Variants in TENM4 observed in about 807,000 individuals in gnomAD.
The protein encoded by TENM4 is teneurin transmembrane protein 4.
In TENM4, 82 loss-of-function variants were observed where a neutral mutation model predicts 243.3. The observed-to-expected ratio is 0.34, with a 90% CI of 0.28 to 0.40. TENM4 has a LOEUF of 0.40. Ranked by LOEUF, TENM4 falls within the 10% of genes least tolerant of loss-of-function variation. TENM4 has a pLI of 1.00. For synonymous variants in TENM4, 1,412 were observed against 1,456.3 expected (o/e 0.97, Z 0.69); for missense variants, 3,138 against 3,673.3 (o/e 0.85, Z 3.77).
intron 3 of TENM4, among the ~76,000 whole-genome samples, chr11:79,176,996 T>C (rs945370774): frequency 6.6e-6 from 1 of 152,136 alleles, no homozygotes; most frequent in African/African-American, 2.4e-5. Context: ...CTGCTCTGGT[T>C]TCACCCCTTC....
intron 3 of TENM4, among the ~76,000 whole-genome samples, chr11:79,151,111 C>T (rs1862501924): frequency 1.3e-5 from 2 of 152,288 alleles, no homozygotes; most frequent in South Asian, 4.1e-4. Context: ...TTCTGTGACT[C>T]ACCATTCTTC....
intron 9 of TENM4, among the ~76,000 whole-genome samples, chr11:78,880,637 G>A (rs1859410274): frequency 6.6e-6 from 1 of 152,094 alleles, no homozygotes. Flanking sequence ...CCCAAACTCA[G>A]AAACTATGAG....
In TENM4 at chr11:79,139,815, T is replaced by A. The variant is rs147514943; in HGVS notation, c.-66+8895A>T. Reference sequence around the variant, plus strand: ...TTTATATAAATATATAATATATATTTTATATTTATATATAATACATAGATT... The same window carrying A: ...TTTATATAAATATATAATATATATTATATATTTATATATAATACATAGATT... On this transcript the variant is annotated intron_variant, in intron 4 of 33. Transcript: ENST00000278550. 3.3e-3 allele frequency among the ~76,000 whole-genome samples: 256 copies of A among 78,590 alleles called. 10 individuals carry two copies. The highest frequency in any genetic ancestry group is 0.018 in the African/African-American group (233 of 12,918). The allele number at this position is 78,590 out of a possible 152,430, so 51.6% of individuals were successfully genotyped here.
intron 9 of TENM4, among the ~76,000 whole-genome samples, chr11:78,868,469 TG>T (rs1048811538): frequency 3.9e-5 from 6 of 152,016 alleles, no homozygotes; most frequent in Non-Finnish European, 7.4e-5. Context: ...AGAGCCAAGG[TG>T]GGGGAAGTTC....
chr11:78,889,477 C>T (rs1855614709), intron 9 of TENM4, among the ~76,000 whole-genome samples: 1 of 152,192 alleles, frequency 6.6e-6, no homozygotes, highest in East Asian at 1.9e-4. Flanking sequence ...CCATAGATCC[C>T]CATCTCAAAG....
chr11:79,278,818 G>A lies in TENM4; in HGVS notation c.-265+18670C>T, dbSNP rs141083758. ...ACATGTGCACGAGGGACAGACAAGC[G>A]CAATGACACTGTCACTATCAGGAAA... On this transcript the variant is annotated intron_variant, in intron 2 of 33. Coordinates refer to ENST00000278550, the MANE Select transcript of TENM4 (RefSeq NM_001098816.3). Among the ~76,000 whole-genome samples, 109 of 152,218 alleles carry A rather than the reference G, an allele frequency of 7.2e-4. 1 individual carries two copies. Among genetic ancestry groups the A allele is most frequent in the Admixed American group, 4.4e-3 (68 of 15,296 alleles).
chr11:79,432,635 T>TTA (rs1859192646), intron 1 of TENM4, among the ~76,000 whole-genome samples: 1 of 152,236 alleles, frequency 6.6e-6, no homozygotes, highest in Non-Finnish European at 1.5e-5. Context: ...AGGGTGGATA[T>TTA]TTAACCAACT....
At chr11:79,141,059 G>T (rs1410341208) in intron 4 of TENM4, among the ~76,000 whole-genome samples, 3 of 152,018 alleles carry the variant, frequency 2.0e-5, no homozygotes, top group African/African-American at 7.2e-5. Flanking sequence ...ACCATTCAAG[G>T]CAGTGAAAAC....
chr11:79,260,223 G>A (rs543832560), intron 2 of TENM4, among the ~76,000 whole-genome samples: 1 of 152,266 alleles, frequency 6.6e-6, no homozygotes, highest in South Asian at 2.1e-4. Context: ...TTGTGACTAG[G>A]GTAAGGTGAG....
chr11:78,770,268 G>A (rs115886379), intron 18 of TENM4, among the ~76,000 whole-genome samples: 2 of 152,142 alleles, frequency 1.3e-5, no homozygotes, highest in Admixed American at 6.5e-5. Context: ...CTAATTCTAC[G>A]ACTAAGATAA....
intron 6 of TENM4, among the ~76,000 whole-genome samples, chr11:79,044,095 C>T (rs1224325403): frequency 6.6e-6 from 1 of 152,174 alleles, no homozygotes; most frequent in Non-Finnish European, 1.5e-5. Context: ...ATTCTAACAG[C>T]TCTCCCAACC....
chr11:78,939,136 G>A (rs1856841055), intron 6 of TENM4, among the ~76,000 whole-genome samples: 1 of 152,176 alleles, frequency 6.6e-6, no homozygotes, highest in South Asian at 2.1e-4. Flanking sequence ...GCCTCCCGTT[G>A]TTTCCTTTCT....
chr11:78,751,649 A>G (rs570174350), intron 19 of TENM4, among the ~76,000 whole-genome samples: 4 of 152,120 alleles, frequency 2.6e-5, no homozygotes, highest in African/African-American at 7.2e-5. Flanking sequence ...GCAACCTGTA[A>G]CTATTCACTG....
chr11:79,386,616 A>G (rs1335527047), intron 1 of TENM4, among the ~76,000 whole-genome samples: 1 of 152,188 alleles, frequency 6.6e-6, no homozygotes, highest in Non-Finnish European at 1.5e-5. Context: ...ACAAAAGAAG[A>G]CATCCAAATG....
rs1008937448 is a variant in TENM4, at chr11:79,316,387, A to G, written c.-320-18844T>C. 1.1e-4 allele frequency among the ~76,000 whole-genome samples: 16 copies of G among 152,336 alleles called. No homozygotes were observed. In the South Asian group the frequency reaches 3.3e-3, roughly 32 times the overall value. On this transcript the variant is annotated intron_variant, in intron 1 of 33. Transcript: ENST00000278550. ...AGAAACAACAGCCAACCATAGCTCAATGATTGAATGAATATCAAATGATGG... is the reference window on the plus strand; with the variant it reads ...AGAAACAACAGCCAACCATAGCTCAGTGATTGAATGAATATCAAATGATGG...
chr11:78,792,673 A>G (rs1248281749), intron 15 of TENM4, among the ~76,000 whole-genome samples: 1 of 152,206 alleles, frequency 6.6e-6, no homozygotes, highest in African/African-American at 2.4e-5. Context: ...GAAAGAATAG[A>G]TGAATGAAAA....
At chr11:79,276,114 G>C (rs1210307863) in intron 2 of TENM4, among the ~76,000 whole-genome samples, 1 of 152,224 alleles carries the variant, frequency 6.6e-6, no homozygotes, top group Non-Finnish European at 1.5e-5. Context: ...TCAAGACCTG[G>C]TATGGGAAGG....
Position 78,812,466 on chromosome 11 carries a change from CTTGCT to C in TENM4, c.1784-155_1784-151del, listed in dbSNP as rs1857521112. 4.5e-5 allele frequency: 43 copies of C among 960,596 alleles called. No homozygotes were observed. The South Asian group carries it at 6.9e-4, about 15-fold the overall frequency. 59.5% of individuals were successfully genotyped at this position (960,596 alleles called of 1,614,324 possible). On this transcript the variant is annotated intron_variant, in intron 13 of 33. Coordinates refer to ENST00000278550, the MANE Select transcript of TENM4 (RefSeq NM_001098816.3). ...CATGTGTGCCCATCTGTCTTCTTCT[CTTGCT>C]TTATTTCTTTCCAGTTTAAACACAC...
chr11:79,168,092 G>A (rs959581253), intron 3 of TENM4, among the ~76,000 whole-genome samples: 7 of 152,234 alleles, frequency 4.6e-5, no homozygotes, highest in African/African-American at 1.7e-4. Flanking sequence ...GCAGGGTGAT[G>A]CTGAAGTCTG....
Sources: allele counts gnomAD v4.1 joint callset (sites outside exome capture counted in the v4.1 genomes callset), GRCh38; gene constraint gnomAD v4.1.1; transcripts MANE v1.5; gene names NCBI Gene and HGNC (gene_info 2026-07-23, HGNC 2026-07-21).